Variants in GLRA1 observed in about 807,000 individuals in gnomAD.
The protein encoded by GLRA1 is glycine receptor alpha 1, also known as glycine receptor subunit alpha-1.
In GLRA1, 37 loss-of-function variants were observed where a neutral mutation model predicts 48.3. That is an observed-to-expected ratio of 0.77 (90% CI 0.59 to 1.01). GLRA1 has a LOEUF of 1.01. Among genes scored for constraint, GLRA1 ranks in the 50% least tolerant of loss-of-function variants. GLRA1 has a pLI of 0.00. For synonymous variants in GLRA1, 196 were observed against 210.7 expected (o/e 0.93, Z 0.60); for missense variants, 427 against 571.0 (o/e 0.75, Z 2.57).
intron 3 of GLRA1, among the ~76,000 whole-genome samples, chr5:151,876,462 T>C (rs991802251): frequency 6.6e-6 from 1 of 152,194 alleles, no homozygotes; most frequent in Non-Finnish European, 1.5e-5. Context: ...GCCTGACACG[T>C]ACATATTCAG....
rs1561564444 is a variant in GLRA1 at position 151,869,570 on chromosome 5, C to CGGG, written c.253-9563_253-9562insCCC. Among the ~76,000 whole-genome samples the CGGG allele has an allele frequency of 3.6e-3, 533 of 149,506 alleles. 36 individuals are homozygous for CGGG. The highest frequency in any genetic ancestry group is 0.013 in the African/African-American group (509 of 39,124). On this transcript the variant is annotated intron_variant, in intron 3 of 8. Transcript: ENST00000274576. Reference sequence around the variant, plus strand: ...CTCTACTAAAAATACAAAAATTAGCCTGTACTTGGTGGCAAGCACTGGTAA... The same window carrying CGGG: ...CTCTACTAAAAATACAAAAATTAGCCGGGTGTACTTGGTGGCAAGCACTGGTAA...
intron 1 of GLRA1, among the ~76,000 whole-genome samples, chr5:151,911,891 A>G (rs1754621019): frequency 6.6e-6 from 1 of 152,076 alleles, no homozygotes; most frequent in Non-Finnish European, 1.5e-5. Flanking sequence ...TACAGGCGTG[A>G]GCCACCGCGC....
intron 2 of GLRA1, among the ~76,000 whole-genome samples, chr5:151,889,129 T>C (rs1753991883): frequency 6.6e-6 from 1 of 152,252 alleles, no homozygotes; most frequent in African/African-American, 2.4e-5. Context: ...CTGATTTATG[T>C]GTGCGAGAGG....
At chr5:151,882,748 GT>G (rs1171026296) in intron 3 of GLRA1, among the ~76,000 whole-genome samples, 2 of 150,712 alleles carry the variant, frequency 1.3e-5, no homozygotes, top group Non-Finnish European at 1.5e-5. Context: ...AGATCTGAGA[GT>G]TTTTTCCCCT....
chr5:151,822,791 C>T lies in GLRA1; in HGVS notation c.1232G>A (p.Arg411Lys). 1 of 1,614,054 alleles carries T rather than the reference C, an allele frequency of 6.2e-7. No homozygotes were observed. Among genetic ancestry groups the T allele is most frequent in the Non-Finnish European group, 8.5e-7 (1 of 1,179,976 alleles). Reference sequence around the variant, plus strand: ...GGATATTTTGTCGATCTTCTTGGCCCTCTGGATGAAGAGTTTTCGCATCTC... The same window carrying T: ...GGATATTTTGTCGATCTTCTTGGCCTTCTGGATGAAGAGTTTTCGCATCTC... Reference protein sequence around the residue: ...PEEMRKLFIQRAKKIDKISRI... With the variant: ...PEEMRKLFIQKAKKIDKISRI... Residue 411 changes from arginine (R) to lysine (K), a missense_variant, in exon 9 of 9, where the codon AGG becomes AAG. Arg to Lys is a conservative substitution (Grantham distance 26). Transcript: ENST00000274576.
intron 4 of GLRA1, among the ~76,000 whole-genome samples, chr5:151,859,157 T>C (rs1421392357): frequency 6.6e-6 from 1 of 152,234 alleles, no homozygotes; most frequent in African/African-American, 2.4e-5. Context: ...TTATTACATG[T>C]GTAAGGACAT....
intron 7 of GLRA1, among the ~76,000 whole-genome samples, chr5:151,842,854 A>T (rs1033237829): frequency 1.3e-5 from 2 of 152,248 alleles, no homozygotes; most frequent in Admixed American, 1.3e-4. Flanking sequence ...AATCCTAAGG[A>T]TGTATAAAAG....
intron 7 of GLRA1, chr5:151,849,927 T>TGTTTTGGGATACCTTCA: frequency 6.5e-7 from 1 of 1,548,704 alleles, no homozygotes; most frequent in South Asian, 1.2e-5. Flanking sequence ...CCTCCTGCCA[T>TGTTTTGGGATACCTTCA]GTTTTGGGAT....
intron 3 of GLRA1, among the ~76,000 whole-genome samples, chr5:151,884,105 G>A (rs1346162129): frequency 1.3e-5 from 2 of 152,112 alleles, no homozygotes; most frequent in African/African-American, 4.8e-5. Context: ...AAAATGCTTG[G>A]TGAACATTTA....
intron 7 of GLRA1, among the ~76,000 whole-genome samples, chr5:151,831,124 C>T (rs188227399): frequency 1.2e-4 from 18 of 152,378 alleles, no homozygotes; most frequent in Non-Finnish European, 1.9e-4. Flanking sequence ...GCCCCAGATA[C>T]TACTCTTTTC....
chr5:151,876,636 C>T (rs1339103802), intron 3 of GLRA1, among the ~76,000 whole-genome samples: 7 of 152,044 alleles, frequency 4.6e-5, no homozygotes, highest in African/African-American at 1.7e-4. Flanking sequence ...TGTCTGGTTC[C>T]TGTTTACTTC....
chr5:151,835,774 A>T (rs532828765), intron 7 of GLRA1, among the ~76,000 whole-genome samples: 4 of 152,300 alleles, frequency 2.6e-5, no homozygotes, highest in Admixed American at 1.3e-4. Context: ...TCATGCTAAA[A>T]ACTCTCAATA....
At position 151,892,942 on chromosome 5, in the gene GLRA1, T is replaced by C. The variant is rs79960766; in HGVS notation, c.57-504A>G. On this transcript the variant is annotated intron_variant, in intron 1 of 8. Transcript: ENST00000274576. The stretch of plus-strand genomic sequence containing the variant: ...CAGATGCATTCTGGAACACAAATTT[T>C]ATCAGGCATTTTTACCTCAAGTCTC... 1.7e-3 allele frequency among the ~76,000 whole-genome samples: 253 copies of C among 152,328 alleles called. 1 individual carries two copies. The highest frequency in any genetic ancestry group is 0.014 in the East Asian group (73 of 5,194).
In GLRA1 at chr5:151,824,326, C is replaced by T. The variant is rs114551246; in HGVS notation, c.1060-1363G>A. On this transcript the variant is annotated intron_variant, in intron 8 of 8. Transcript: ENST00000274576. ...ATTGCAACAGCCTCCAATCTGCCCCCACCACCCAACCCATCTGAGTCGTTA... is the reference window on the plus strand; with the variant it reads ...ATTGCAACAGCCTCCAATCTGCCCCTACCACCCAACCCATCTGAGTCGTTA... Among the ~76,000 whole-genome samples the T allele has an allele frequency of 9.8e-3, 1,489 of 151,992 alleles. 28 individuals carry two copies. The highest frequency in any genetic ancestry group is 0.034 in the African/African-American group (1,415 of 41,428).
At position 151,867,621 on chromosome 5, in the gene GLRA1, T is replaced by C. The variant is rs147019588; in HGVS notation, c.253-7613A>G. ...ATGCCATACATGTCAGCTTATTTTA[T>C]CTTTAAAACAATCCTATGACTTGGG... On this transcript the variant is annotated intron_variant, in intron 3 of 8. Coordinates refer to ENST00000274576, the MANE Select transcript of GLRA1 (RefSeq NM_000171.4). Among the ~76,000 whole-genome samples, 4 of 152,330 alleles carry C rather than the reference T, an allele frequency of 2.6e-5. No homozygotes were observed. In the East Asian group the frequency reaches 7.7e-4, roughly 29 times the overall value.
intron 5 of GLRA1, 101 bp from the exon 6 acceptor site, chr5:151,855,278 C>T: frequency 8.7e-7 from 1 of 1,144,826 alleles, no homozygotes; most frequent in Non-Finnish European, 1.3e-6. Context: ...ACATCAGACA[C>T]TTGATGGAAC....
intron 1 of GLRA1, among the ~76,000 whole-genome samples, chr5:151,895,459 G>A (rs1754205987): frequency 6.6e-6 from 1 of 152,154 alleles, no homozygotes; most frequent in Non-Finnish European, 1.5e-5. Context: ...TATTAGCTGT[G>A]TCACCTTGGG....
intron 1 of GLRA1, among the ~76,000 whole-genome samples, chr5:151,911,272 A>C (rs1223429946): frequency 6.6e-6 from 1 of 152,152 alleles, no homozygotes; most frequent in Non-Finnish European, 1.5e-5. Flanking sequence ...AAATGTCTTC[A>C]ATTTATACCA....
chr5:151,824,736 C>T (rs755259330), intron 8 of GLRA1, among the ~76,000 whole-genome samples: 10 of 152,072 alleles, frequency 6.6e-5, no homozygotes, highest in Non-Finnish European at 1.2e-4. Flanking sequence ...TATATATCTC[C>T]GTCTTTTTTT....
Sources: gnomAD v4.1 joint callset for allele counts (sites outside exome capture counted in the v4.1 genomes callset) on GRCh38, gnomAD v4.1.1 for gene constraint, MANE v1.5 for transcripts, NCBI Gene and HGNC (gene_info 2026-07-23, HGNC 2026-07-21) for gene names.